Variants in DOCK3 observed in about 807,000 individuals in gnomAD.
The protein encoded by DOCK3 is dedicator of cytokinesis 3.
A neutral mutation model predicts 265.6 loss-of-function variants in DOCK3; 60 were observed. The ratio of observed to expected loss-of-function variants is 0.23; its 90% CI spans 0.18 to 0.28. The LOEUF (loss-of-function observed/expected upper bound fraction) is 0.28, where lower values mean the gene tolerates loss of function less well. Among genes scored for constraint, DOCK3 ranks in the 10% least tolerant of loss-of-function variants. The pLI, the probability that DOCK3 is intolerant of heterozygous loss-of-function variation, is 1.00. For synonymous variants in DOCK3, 881 were observed against 938.0 expected, an observed-to-expected ratio of 0.94 and a Z score of 1.11; for missense variants, 1,981 against 2,594.3, an observed-to-expected ratio of 0.76 and a Z score of 5.14.
intron 25 of DOCK3, 36 bp from the exon 26 acceptor site, chr3:51,277,572 G>A: frequency 1.3e-6 from 2 of 1,496,600 alleles, no homozygotes; most frequent in Non-Finnish European, 1.8e-6. Flanking sequence ...AGCCTGGCTT[G>A]CTGCTAATGG....
chr3:51,187,751 C>CTTTTTT (rs1222615450), intron 12 of DOCK3, among the ~76,000 whole-genome samples: 4 of 112,146 alleles, frequency 3.6e-5, no homozygotes, highest in Non-Finnish European at 5.5e-5. Context: ...TCTGCACAAG[C>CTTTTTT]TTTTTTTTTT....
intron 5 of DOCK3, among the ~76,000 whole-genome samples, chr3:51,013,656 G>A (rs543835151): frequency 4.4e-4 from 67 of 152,302 alleles, no homozygotes; most frequent in Non-Finnish European, 7.1e-4. Context: ...CAGTCGGTCC[G>A]TTCTCAGAGC....
intron 7 of DOCK3, among the ~76,000 whole-genome samples, chr3:51,088,544 A>G (rs1433251908): frequency 6.6e-6 from 1 of 152,238 alleles, no homozygotes; most frequent in Non-Finnish European, 1.5e-5. Context: ...ATTTTAAAAT[A>G]TTATGTATCA....
chr3:51,348,846 A>G lies in DOCK3; in HGVS notation c.3916-6A>G, dbSNP rs1237722306. 1 of 1,569,898 alleles carries G rather than the reference A, an allele frequency of 6.4e-7. No homozygotes were observed. Among genetic ancestry groups the G allele is most frequent in the Non-Finnish European group, 8.6e-7 (1 of 1,157,172 alleles). ...TGCTGAAGCCCTGTTTCTGTTTCTG[A>G]CACAGAGCTGGGAGTTTGGGATCCC... is the stretch of plus-strand genomic sequence containing the variant. On this transcript the variant is annotated splice_region_variant and splice_polypyrimidine_tract_variant and intron_variant, in intron 38 of 52. Transcript: ENST00000266037.
At chr3:50,680,063 G>A (rs2034275869) in intron 1 of DOCK3, among the ~76,000 whole-genome samples, 1 of 152,116 alleles carries the variant, frequency 6.6e-6, no homozygotes. Flanking sequence ...GCCACAGATT[G>A]TATTATTACA....
Position 51,317,581 on chromosome 3 carries a change from AAATAATAATAATAATAAT to A in DOCK3, c.3402+2478_3402+2495del, listed in dbSNP as rs35402276. 1.1e-3 allele frequency among the ~76,000 whole-genome samples: 148 copies of A among 139,142 alleles called. 1 individual carries two copies. The highest frequency in any genetic ancestry group is 3.7e-3 in the African/African-American group (140 of 37,556). 91.3% of individuals were successfully genotyped at this position (139,142 alleles called of 152,430 possible). ...GGCAACAGAGCGAGACTCCATCACA[AAATAATAATAATAATAAT>A]AATAATAATAATAATAATAATAATG... On this transcript the variant is annotated intron_variant, in intron 32 of 52. Transcript: ENST00000266037.
chr3:50,737,837 C>T (rs1227529650), intron 1 of DOCK3, among the ~76,000 whole-genome samples: 8 of 152,172 alleles, frequency 5.3e-5, no homozygotes, highest in African/African-American at 7.2e-5. Flanking sequence ...CTGTGTTCCC[C>T]TGTAGCTCAC....
chr3:50,796,213 T>C (rs1195262248), intron 2 of DOCK3, among the ~76,000 whole-genome samples: 1 of 151,168 alleles, frequency 6.6e-6, no homozygotes, highest in East Asian at 2.0e-4. Flanking sequence ...GCTAATTTTT[T>C]TTTGTATTTT....
chr3:50,849,978 A>C (rs1046883105), intron 3 of DOCK3, among the ~76,000 whole-genome samples: 3 of 151,930 alleles, frequency 2.0e-5, no homozygotes, highest in Admixed American at 2.0e-4. Context: ...CTACCGATAA[A>C]GCTTTCAATT....
intron 5 of DOCK3, among the ~76,000 whole-genome samples, chr3:51,059,446 GA>G (rs1216129285): frequency 8.0e-6 from 1 of 124,378 alleles, no homozygotes; most frequent in Non-Finnish European, 1.6e-5. Context: ...GACTTTGCTA[GA>G]AAAAAAACCA....
At chr3:51,021,023 A>C (rs1001737927) in intron 5 of DOCK3, among the ~76,000 whole-genome samples, 6 of 151,944 alleles carry the variant, frequency 3.9e-5, no homozygotes, top group Non-Finnish European at 7.4e-5. Flanking sequence ...GTGGTAGTTT[A>C]ATGGGAATAG....
At chr3:50,778,888 A>G (rs901378897) in intron 2 of DOCK3, 130 bp downstream of exon 2, 4 of 594,072 alleles carry the variant, frequency 6.7e-6, no homozygotes, top group African/African-American at 1.9e-5. Context: ...AAATAGTGTT[A>G]TATAAAATTC....
At chr3:50,730,422 C>T (rs1302512609) in intron 1 of DOCK3, among the ~76,000 whole-genome samples, 11 of 152,180 alleles carry the variant, frequency 7.2e-5, no homozygotes, top group Non-Finnish European at 1.6e-4. Flanking sequence ...GGATTACAGG[C>T]GTGAGCCGCT....
At chr3:51,047,774 C>T (rs534309329) in intron 5 of DOCK3, among the ~76,000 whole-genome samples, 12 of 152,100 alleles carry the variant, frequency 7.9e-5, no homozygotes, top group South Asian at 4.2e-4. Context: ...GAGGAAATCC[C>T]GGGACCAGAT....
intron 5 of DOCK3, among the ~76,000 whole-genome samples, chr3:51,031,932 T>G (rs1160464686): frequency 6.6e-6 from 1 of 152,200 alleles, no homozygotes; most frequent in Non-Finnish European, 1.5e-5. Context: ...ATGAGTGTAG[T>G]GTACTGGTGC....
chr3:51,162,030 A>G (rs1018658316), intron 12 of DOCK3, among the ~76,000 whole-genome samples: 1 of 152,230 alleles, frequency 6.6e-6, no homozygotes, highest in Non-Finnish European at 1.5e-5. Flanking sequence ...ATATAGTTAG[A>G]CACAAATTGT....
chr3:51,060,904 T>A (rs1575927770), intron 5 of DOCK3, among the ~76,000 whole-genome samples: 7 of 152,236 alleles, frequency 4.6e-5, no homozygotes, highest in Admixed American at 3.3e-4. Flanking sequence ...GGGCAAAGGA[T>A]ATGAACAGAC....
intron 5 of DOCK3, among the ~76,000 whole-genome samples, chr3:51,022,799 A>G (rs1027004655): frequency 2.6e-5 from 4 of 151,994 alleles, no homozygotes; most frequent in Admixed American, 2.0e-4. Flanking sequence ...TTCTTCTAGG[A>G]TATTTACTGT....
At chr3:50,701,639 C>A (rs2036047438) in intron 1 of DOCK3, among the ~76,000 whole-genome samples, 1 of 152,050 alleles carries the variant, frequency 6.6e-6, no homozygotes, top group Admixed American at 6.6e-5. Context: ...CTTTTGAGGT[C>A]TTAGTCATAA....
Sources: allele counts gnomAD v4.1 joint callset (sites outside exome capture counted in the v4.1 genomes callset), GRCh38; gene constraint gnomAD v4.1.1; transcripts MANE v1.5; gene names NCBI Gene and HGNC (gene_info 2026-07-23, HGNC 2026-07-21).